The following SCHIP1 variants were observed in gnomAD, a reference collection of about 807,000 sequenced individuals.
The protein encoded by SCHIP1 is schwannomin-interacting protein 1.
A neutral mutation model predicts 29.7 loss-of-function variants in SCHIP1; 8 were observed. The observed-to-expected ratio is 0.27, with a 90% CI of 0.16 to 0.49. SCHIP1 has a LOEUF of 0.49. Among genes scored for constraint, SCHIP1 ranks in the 20% least tolerant of loss-of-function variants. The pLI is 0.99. For missense variants in SCHIP1, 193 were observed against 294.6 expected (o/e 0.66, Z 2.52); for synonymous variants, 76 against 94.9 (o/e 0.80, Z 1.16).
chr3:159,557,466 C>T, the SCHIP1 span, among the ~76,000 whole-genome samples: 3 of 152,100 alleles, frequency 2.0e-5, no homozygotes, highest in Non-Finnish European at 2.9e-5. Context: ...GTCATTGGCT[C>T]ATTCGGAAAA....
At chr3:159,679,374 T>C in the SCHIP1 span, among the ~76,000 whole-genome samples, 2 of 152,226 alleles carry the variant, frequency 1.3e-5, no homozygotes, top group Admixed American at 1.3e-4. Context: ...GTTGAGAGCA[T>C]CTCGACAGTT....
chr3:159,877,770 A>T lies in SCHIP1; in HGVS notation c.150-8437A>T, dbSNP rs541654174. On this transcript the variant is annotated intron_variant, in intron 2 of 6. Coordinates refer to ENST00000445224, the Ensembl canonical transcript of SCHIP1. ...TTCATTGCCTCAACAGCTGAAACTC[A>T]TCAGCAGGTGGGGTAGATAGGTGTT... Among the ~76,000 whole-genome samples, 92 of 152,336 alleles carry T rather than the reference A, an allele frequency of 6.0e-4. 3 individuals carry two copies. Among genetic ancestry groups the T allele is most frequent in the Admixed American group, 5.3e-3 (81 of 15,300 alleles).
At chr3:159,646,793 G>T in the SCHIP1 span, among the ~76,000 whole-genome samples, 1 of 152,124 alleles carries the variant, frequency 6.6e-6, no homozygotes, top group African/African-American at 2.4e-5. Flanking sequence ...ACAGGCAAAA[G>T]TGCTCCAGTA....
chr3:159,801,336 A>G, the SCHIP1 span, among the ~76,000 whole-genome samples: 10 of 152,332 alleles, frequency 6.6e-5, no homozygotes, highest in African/African-American at 1.9e-4. Flanking sequence ...GTGTTCTAGA[A>G]CATAAACATT....
chr3:159,395,157 G>A, the SCHIP1 span, among the ~76,000 whole-genome samples: 1 of 152,086 alleles, frequency 6.6e-6, no homozygotes, highest in East Asian at 1.9e-4. Context: ...TGTGGGATCG[G>A]TGGTGATATC....
At chr3:159,487,464 A>C in the SCHIP1 span, among the ~76,000 whole-genome samples, 1 of 152,106 alleles carries the variant, frequency 6.6e-6, no homozygotes, top group African/African-American at 2.4e-5. Context: ...ATAGCACAGC[A>C]GTGCAGGAGC....
the SCHIP1 span, among the ~76,000 whole-genome samples, chr3:159,481,037 A>G: frequency 6.6e-6 from 1 of 152,200 alleles, no homozygotes; most frequent in Admixed American, 6.5e-5. Flanking sequence ...AGCCAGGAGA[A>G]GGAATCTCAC....
chr3:159,422,341 T>C, the SCHIP1 span, among the ~76,000 whole-genome samples: 1 of 152,230 alleles, frequency 6.6e-6, no homozygotes, highest in Non-Finnish European at 1.5e-5. Flanking sequence ...TTGCCAAATA[T>C]ATCTAGCAAA....
chr3:159,582,906 G>T, the SCHIP1 span, among the ~76,000 whole-genome samples: 5 of 151,738 alleles, frequency 3.3e-5, no homozygotes, highest in African/African-American at 1.2e-4. Flanking sequence ...AATATAGTTG[G>T]TAATTGTTCT....
At chr3:159,592,671 T>C in the SCHIP1 span, among the ~76,000 whole-genome samples, 1 of 152,040 alleles carries the variant, frequency 6.6e-6, no homozygotes, top group Admixed American at 6.6e-5. Flanking sequence ...TGAAATCTTT[T>C]CCTGCTCCCC....
chr3:159,460,356 A>AG, the SCHIP1 span, among the ~76,000 whole-genome samples: 1 of 152,218 alleles, frequency 6.6e-6, no homozygotes, highest in Admixed American at 6.5e-5. Context: ...GTCAAGGAAT[A>AG]GTTGTAGAGC....
At chr3:159,845,054 T>C (rs1163523752) in intron 1 of SCHIP1, among the ~76,000 whole-genome samples, 1 of 152,234 alleles carries the variant, frequency 6.6e-6, no homozygotes, top group East Asian at 1.9e-4. Flanking sequence ...CTCCTCTGCA[T>C]GGCCTTCAAG....
chr3:159,601,187 C>T, the SCHIP1 span, among the ~76,000 whole-genome samples: 1 of 152,254 alleles, frequency 6.6e-6, no homozygotes, highest in Non-Finnish European at 1.5e-5. Context: ...CAGCAGTGGG[C>T]CCACTTGGGT....
At chr3:159,771,790 A>G in the SCHIP1 span, among the ~76,000 whole-genome samples, 2 of 151,936 alleles carry the variant, frequency 1.3e-5, no homozygotes, top group African/African-American at 2.4e-5. Flanking sequence ...ATCTATGTGT[A>G]TATACAATTA....
the SCHIP1 span, among the ~76,000 whole-genome samples, chr3:159,805,116 G>C: frequency 6.6e-6 from 1 of 152,160 alleles, no homozygotes; most frequent in African/African-American, 2.4e-5. Context: ...CCTACCACCT[G>C]ATCAACTTCC....
chr3:159,776,565 A>T, the SCHIP1 span, among the ~76,000 whole-genome samples: 1 of 152,228 alleles, frequency 6.6e-6, no homozygotes, highest in Non-Finnish European at 1.5e-5. Context: ...CAGTGACCCC[A>T]TCATCTGACC....
At chr3:159,652,600 T>C in the SCHIP1 span, among the ~76,000 whole-genome samples, 1 of 152,016 alleles carries the variant, frequency 6.6e-6, no homozygotes, top group African/African-American at 2.4e-5. Context: ...ATAAGTGCCA[T>C]GAAGGACATA....
chr3:159,295,297 T>A, the SCHIP1 span, among the ~76,000 whole-genome samples: 1 of 135,432 alleles, frequency 7.4e-6, no homozygotes, highest in Non-Finnish European at 1.6e-5. Context: ...GGCATGGTGG[T>A]GTGCGCCTGT....
the SCHIP1 span, among the ~76,000 whole-genome samples, chr3:159,352,809 G>T: frequency 4.0e-5 from 6 of 150,418 alleles, no homozygotes; most frequent in East Asian, 9.7e-4. Flanking sequence ...GGAAAAATTA[G>T]CCCTCTAAAA....
Sources: allele counts gnomAD v4.1 joint callset (sites outside exome capture counted in the v4.1 genomes callset), GRCh38; gene constraint gnomAD v4.1.1; transcripts MANE v1.5; gene names NCBI Gene and HGNC (gene_info 2026-07-23, HGNC 2026-07-21).